Variants in TMOD2 observed in about 807,000 individuals in gnomAD.
TMOD2 encodes the protein tropomodulin 2, also known as tropomodulin-2.
A neutral mutation model predicts 39.9 loss-of-function variants in TMOD2; 22 were observed. The observed-to-expected ratio is 0.55, with a 90% confidence interval of 0.39 to 0.79. TMOD2 has a LOEUF of 0.79. Among genes scored for constraint, TMOD2 ranks in the 30% least tolerant of loss-of-function variants. TMOD2 has a pLI of 0.00. For missense variants in TMOD2, 386 were observed against 413.3 expected, an observed-to-expected ratio of 0.93 and a Z score of 0.57; for synonymous variants, 123 against 146.1, an observed-to-expected ratio of 0.84 and a Z score of 1.14.
intron 1 of TMOD2, among the ~76,000 whole-genome samples, chr15:51,755,669 A>G (rs955756670): frequency 3.9e-5 from 6 of 152,158 alleles, no homozygotes; most frequent in Non-Finnish European, 7.4e-5. Context: ...AACTGTCCTC[A>G]TTGTTGATAA....
intron 8 of TMOD2, 151 bp downstream of exon 8, chr15:51,798,491 C>T: frequency 1.0e-6 from 1 of 975,602 alleles, no homozygotes; most frequent in Non-Finnish European, 1.5e-6. Flanking sequence ...CATTTCTGGC[C>T]CATGGAGGAT....
chr15:51,795,577 G>GCTTGCTTTCTTT (rs1491143300), intron 7 of TMOD2, among the ~76,000 whole-genome samples: 68 of 42,068 alleles, frequency 1.6e-3, no homozygotes, highest in Admixed American at 3.0e-3. Context: ...TTGCTTGCTT[G>GCTTGCTTTCTTT]CTTTCTTTCT....
chr15:51,771,393 G>T (rs2055852888), intron 3 of TMOD2, among the ~76,000 whole-genome samples: 1 of 152,218 alleles, frequency 6.6e-6, no homozygotes, highest in Non-Finnish European at 1.5e-5. Flanking sequence ...TTACTCTGGT[G>T]CAGAGTTTTG....
At chr15:51,798,938 T>C (rs962181045) in intron 8 of TMOD2, among the ~76,000 whole-genome samples, 9 of 152,234 alleles carry the variant, frequency 5.9e-5, no homozygotes, top group Admixed American at 6.5e-5. Flanking sequence ...CACAGTCTCA[T>C]TGATCATGAC....
In TMOD2 at chr15:51,806,450, T is replaced by C. The variant is rs866842453; in HGVS notation, c.950T>C (p.Phe317Ser). ...MLEENSRILK[F>S]GYQFTKQGPR... ...GAGGAGAATTCAAGGATCCTCAAGT[T>C]TGGATACCAGTTTACCAAGCAAGGG... The change falls in exon 9 of 10, where the codon TTT becomes TCT. Residue 317 changes from phenylalanine to serine, a missense_variant. Physicochemically the swap from Phe to Ser is radical, Grantham distance 155. Coordinates refer to ENST00000249700, the MANE Select transcript of TMOD2 (RefSeq NM_014548.4). The C allele has an allele frequency of 6.2e-7, 1 of 1,614,216 alleles. No homozygotes were observed. Among genetic ancestry groups the C allele is most frequent in the South Asian group, 1.1e-5 (1 of 91,084 alleles).
At chr15:51,794,145 C>A (rs2056031631) in intron 7 of TMOD2, among the ~76,000 whole-genome samples, 1 of 152,136 alleles carries the variant, frequency 6.6e-6, no homozygotes, top group African/African-American at 2.4e-5. Context: ...GGGAGGAGTG[C>A]TATTGACATC....
intron 2 of TMOD2, 144 bp from the exon 3 acceptor site, chr15:51,768,118 G>GC (rs1308929255): frequency 2.9e-5 from 26 of 897,394 alleles, no homozygotes; most frequent in Non-Finnish European, 4.2e-5. Context: ...GCGTCCCAGA[G>GC]CCCCCAGCCC....
In TMOD2 at chr15:51,813,556, C is replaced by G. The variant is rs2056169992; in HGVS notation, c.*5102C>G. On this transcript the variant is annotated 3_prime_UTR_variant, in exon 10 of 10. Coordinates refer to ENST00000249700, the MANE Select transcript of TMOD2 (RefSeq NM_014548.4). ...TTTGGAGACTGAAACCTAATCCCAT[C>G]ACCAACACTTAGCAGGTATATGATC... The G allele has an allele frequency of 6.6e-6, 1 of 152,194 alleles. No individual in the cohort carries two copies. Among genetic ancestry groups the G allele is most frequent in the South Asian group, 2.1e-4 (1 of 4,828 alleles). 9.4% of individuals were successfully genotyped at this position (152,194 alleles called of 1,614,324 possible). A position where few individuals can be genotyped will look rare whatever the true frequency, so the allele number is the denominator to read the frequency against.
intron 7 of TMOD2, among the ~76,000 whole-genome samples, chr15:51,788,926 A>G (rs1427953467): frequency 6.6e-6 from 1 of 152,266 alleles, no homozygotes; most frequent in East Asian, 1.9e-4. Context: ...AAGACCGTCA[A>G]CGCTATGAAG....
At chr15:51,770,852 C>A (rs565095951) in intron 3 of TMOD2, among the ~76,000 whole-genome samples, 2 of 152,168 alleles carry the variant, frequency 1.3e-5, no homozygotes, top group Admixed American at 1.3e-4. Context: ...ACAAACCAGG[C>A]AAATAATCAA....
At chr15:51,782,941 C>A (rs2055941532) in intron 7 of TMOD2, 113 bp downstream of exon 7, 3 of 922,564 alleles carry the variant, frequency 3.3e-6, no homozygotes, top group Non-Finnish European at 4.9e-6. Context: ...ACCTTCTACA[C>A]AGTTAGTGAG....
At chr15:51,782,206 G>A (rs763757291) in intron 6 of TMOD2, among the ~76,000 whole-genome samples, 1 of 152,200 alleles carries the variant, frequency 6.6e-6, no homozygotes, top group African/African-American at 2.4e-5. Context: ...ATAACATGAT[G>A]TGGTGAGCCA....
chr15:51,795,336 G>A (rs997872370), intron 7 of TMOD2, among the ~76,000 whole-genome samples: 42 of 151,136 alleles, frequency 2.8e-4, no homozygotes, highest in African/African-American at 9.2e-4. Context: ...TGGGGCAGGA[G>A]AATTGCTTGA....
At chr15:51,781,930 A>G (rs1223294782) in intron 6 of TMOD2, among the ~76,000 whole-genome samples, 1 of 152,102 alleles carries the variant, frequency 6.6e-6, no homozygotes, top group Non-Finnish European at 1.5e-5. Context: ...AGTACTTACT[A>G]TGTGCCATGT....
intron 7 of TMOD2, among the ~76,000 whole-genome samples, chr15:51,794,431 A>G (rs1171144363): frequency 6.6e-6 from 1 of 152,128 alleles, no homozygotes; most frequent in Non-Finnish European, 1.5e-5. Context: ...TATGACTTTA[A>G]TTAAAGTGGT....
chr15:51,785,676 G>C (rs2055964744), intron 7 of TMOD2, among the ~76,000 whole-genome samples: 1 of 152,122 alleles, frequency 6.6e-6, no homozygotes, highest in South Asian at 2.1e-4. Flanking sequence ...CCTGGGAAGG[G>C]AAGGGAGTAG....
At chr15:51,756,916 C>T (rs972669280) in intron 1 of TMOD2, among the ~76,000 whole-genome samples, 1 of 152,088 alleles carries the variant, frequency 6.6e-6, no homozygotes, top group African/African-American at 2.4e-5. Context: ...ACAAAACAGG[C>T]GGTTGCTGTG....
chr15:51,796,013 A>G (rs1038155501), intron 7 of TMOD2, among the ~76,000 whole-genome samples: 2 of 146,172 alleles, frequency 1.4e-5, no homozygotes, highest in Non-Finnish European at 3.0e-5. Context: ...CTTCTATGGC[A>G]TATTGACCTG....
At chr15:51,784,995 C>T (rs1257688624) in intron 7 of TMOD2, 1 of 152,178 alleles carries the variant, frequency 6.6e-6, no homozygotes, top group African/African-American at 2.4e-5. Context: ...CACTTTGATG[C>T]TGTTTTTAAT....
Sources: gnomAD v4.1 joint callset for allele counts (sites outside exome capture counted in the v4.1 genomes callset) on GRCh38, gnomAD v4.1.1 for gene constraint, MANE v1.5 for transcripts, NCBI Gene and HGNC (gene_info 2026-07-23, HGNC 2026-07-21) for gene names.